The following TRIM36 variants were observed in gnomAD, a reference collection of about 807,000 sequenced individuals.
The protein encoded by TRIM36 is E3 ubiquitin-protein ligase TRIM36.
In TRIM36, 42 loss-of-function variants were observed where a neutral mutation model predicts 72.4. The ratio of observed to expected loss-of-function variants is 0.58; its 90% CI spans 0.45 to 0.75. The LOEUF (loss-of-function observed/expected upper bound fraction) is 0.75. Ranked by LOEUF, TRIM36 falls within the 30% of genes least tolerant of loss-of-function variation. TRIM36 has a pLI of 0.00. For missense variants in TRIM36, 913 were observed against 857.1 expected (o/e 1.07, Z -0.81); for synonymous variants, 315 against 282.8 (o/e 1.11, Z -1.14).
Position 115,165,485 on chromosome 5 carries a change from C to T in TRIM36, c.28-1733G>A, listed in dbSNP as rs894058961. On this transcript the variant is annotated intron_variant, in intron 1 of 9. Coordinates refer to ENST00000513154, the MANE Select transcript of TRIM36 (RefSeq NM_001300759.2). ...ACCATGTGTAAGCCACCAAGGCTTG[C>T]ACCCTCTGAGGCAATGGTCTGAACT... 3.9e-5 allele frequency among the ~76,000 whole-genome samples: 6 copies of T among 152,212 alleles called. No homozygotes were observed. The South Asian group carries it at 1.2e-3, about 31-fold the overall frequency.
chr5:115,150,425 A>T (rs1753826514), intron 2 of TRIM36, among the ~76,000 whole-genome samples: 1 of 152,238 alleles, frequency 6.6e-6, no homozygotes, highest in Non-Finnish European at 1.5e-5. Flanking sequence ...ATATTATATG[A>T]CACAGGGTTG....
intron 3 of TRIM36, 37 bp downstream of exon 3, chr5:115,147,032 T>A: frequency 3.3e-6 from 5 of 1,531,494 alleles, no homozygotes; most frequent in Non-Finnish European, 4.4e-6. Flanking sequence ...AACATTAAGT[T>A]AAAATAACAT....
chr5:115,173,523 TGTG>T (rs1442480564), upstream of TRIM36, among the ~76,000 whole-genome samples: 6 of 120,962 alleles, frequency 5.0e-5, no homozygotes, highest in Admixed American at 7.4e-5. Context: ...TGTATTTGAA[TGTG>T]TGTGTGTGTG....
chr5:115,178,886 C>T (rs1344793867), intron 1 of TRIM36, among the ~76,000 whole-genome samples: 1 of 152,162 alleles, frequency 6.6e-6, no homozygotes. Context: ...AGCCCTGGGG[C>T]CATAGGACTG....
upstream of TRIM36, among the ~76,000 whole-genome samples, chr5:115,173,521 AATGT>A (rs1174293764): frequency 7.0e-6 from 1 of 141,902 alleles, no homozygotes; most frequent in African/African-American, 3.0e-5. Flanking sequence ...TGTGTATTTG[AATGT>A]GTGTGTGTGT....
upstream of TRIM36, among the ~76,000 whole-genome samples, chr5:115,172,735 C>CAA (rs759612615): frequency 1.7e-5 from 2 of 119,932 alleles, no homozygotes; most frequent in African/African-American, 3.1e-5. Flanking sequence ...GACTCTGTCT[C>CAA]AAAAAAAAAA....
chr5:115,163,582 T>C lies in TRIM36; in HGVS notation c.198A>G (p.Gln66=), dbSNP rs1754603396. 1.9e-6 allele frequency: 3 copies of C among 1,614,174 alleles called. No individual in the cohort carries two copies. The highest frequency in any genetic ancestry group is 2.5e-6 in the Non-Finnish European group (3 of 1,180,040). The change falls in exon 2 of 10, where the codon CAA becomes CAG. Residue 66 remains glutamine, a synonymous_variant. Coordinates refer to ENST00000513154, the MANE Select transcript of TRIM36 (RefSeq NM_001300759.2). ...FNDVGSDNSN[Q]SSPRLRLPSP... The stretch of plus-strand genomic sequence containing the variant: ...AGGGGAGCCGAAGTCGAGGACTGCT[T>C]TGATTGGAGTTGTCTGATCCCACAT...
At chr5:115,153,907 T>G (rs574692784) in intron 2 of TRIM36, 124 of 152,242 alleles carry the variant, frequency 8.1e-4, no homozygotes, top group African/African-American at 2.5e-3. Context: ...TGGAACTTTC[T>G]CCAAGACAGA....
Position 115,147,398 on chromosome 5 carries a change from T to A in TRIM36, c.263-4A>T, listed in dbSNP as rs780614441. On this transcript the variant is annotated splice_region_variant and splice_polypyrimidine_tract_variant and intron_variant, in intron 2 of 9. Transcript: ENST00000513154. ...GTCAATGAATTGCGCTTCCAGCCTG[T>A]GTAATTAGTAAGTCTTTGTTTAGTT... 1.9e-6 allele frequency: 3 copies of A among 1,606,972 alleles called. No homozygotes were observed. Among genetic ancestry groups the A allele is most frequent in the East Asian group, 4.5e-5 (2 of 44,702 alleles).
chr5:115,134,099 T>C lies in TRIM36; in HGVS notation c.1259A>G (p.Asn420Ser), dbSNP rs2112785409. ...TGGATGGTGCCAATTTATCAAGGCATTGTTATAAACTTTGCTCTGTTCCTC... is the reference window on the plus strand; with the variant it reads ...TGGATGGTGCCAATTTATCAAGGCACTGTTATAAACTTTGCTCTGTTCCTC... Reference protein sequence around the residue: ...INEEQSKVYNNALINWHHPEK... With the variant: ...INEEQSKVYNSALINWHHPEK... The change falls in exon 8 of 10, where the codon AAT becomes AGT. Residue 420 changes from asparagine (N) to serine (S), a missense_variant. Coordinates refer to ENST00000513154, the MANE Select transcript of TRIM36 (RefSeq NM_001300759.2). 1 of 1,613,044 alleles carries C rather than the reference T, an allele frequency of 6.2e-7. No homozygotes were observed. Among genetic ancestry groups the C allele is most frequent in the East Asian group, 2.2e-5 (1 of 44,800 alleles).
intron 1 of TRIM36, among the ~76,000 whole-genome samples, chr5:115,165,454 C>T (rs948137276): frequency 6.6e-6 from 1 of 152,214 alleles, no homozygotes; most frequent in African/African-American, 2.4e-5. Flanking sequence ...CACTGGTAGG[C>T]CCAACACCAT....
chr5:115,148,382 T>A (rs1753704695), intron 2 of TRIM36: 1 of 979,084 alleles, frequency 1.0e-6, no homozygotes, highest in African/African-American at 1.8e-5. Context: ...GACAGGTGCA[T>A]GCATATCACA....
At position 115,126,236 on chromosome 5, in the gene TRIM36, G is replaced by A; in HGVS notation, c.*267C>T. The A allele has an allele frequency of 5.4e-6, 2 of 371,996 alleles. No homozygotes were observed. The highest frequency in any genetic ancestry group is 7.1e-5 in the South Asian group (1 of 13,988). 23.0% of individuals were successfully genotyped at this position (371,996 alleles called of 1,614,324 possible). A position where few individuals can be genotyped will look rare whatever the true frequency, so the allele number is the denominator to read the frequency against. On this transcript the variant is annotated 3_prime_UTR_variant, in exon 10 of 10. Transcript: ENST00000513154. ...CTGACAGAAATAAATTAGATATCCT[G>A]TACATAAAGTAAAAGACAGTCCAGT...
chr5:115,129,514 C>T (rs1047020462), intron 9 of TRIM36, among the ~76,000 whole-genome samples: 20 of 152,056 alleles, frequency 1.3e-4, no homozygotes, highest in Non-Finnish European at 1.3e-4. Flanking sequence ...GCCAAGATCG[C>T]GCCATTGCAC....
At chr5:115,149,480 T>A (rs1310833444) in intron 2 of TRIM36, 1 of 140,866 alleles carries the variant, frequency 7.1e-6, no homozygotes, top group African/African-American at 2.7e-5. Context: ...CCAATTAAAG[T>A]AACGGGATAA....
rs1461090890 is a variant in TRIM36 at position 115,137,455 on chromosome 5, T to C, written c.993A>G (p.Leu331=). The change falls in exon 6 of 10, where the codon CTA becomes CTG. Residue 331 remains leucine (L), a synonymous_variant. Transcript: ENST00000513154. Reference sequence around the variant, plus strand: ...CATATCCCACAAGTCCATTGTTCTCTAGAAGTCCCTGGTACTCTTCCATTT... The same window carrying C: ...CATATCCCACAAGTCCATTGTTCTCCAGAAGTCCCTGGTACTCTTCCATTT... ...QTQMEEYQGL[L]ENNGLVGYAQ... The C allele has an allele frequency of 1.2e-6, 2 of 1,614,094 alleles. No individual in the cohort carries two copies. Among genetic ancestry groups the C allele is most frequent in the East Asian group, 2.2e-5 (1 of 44,872 alleles).
intron 5 of TRIM36, among the ~76,000 whole-genome samples, chr5:115,140,289 T>G (rs1273516241): frequency 4.6e-5 from 7 of 152,194 alleles, no homozygotes; most frequent in African/African-American, 1.7e-4. Flanking sequence ...TGGCTCAACT[T>G]TGTTTCAAAT....
At chr5:115,178,634 C>A (rs1755459363) in intron 1 of TRIM36, among the ~76,000 whole-genome samples, 1 of 152,142 alleles carries the variant, frequency 6.6e-6, no homozygotes, top group South Asian at 2.1e-4. Flanking sequence ...TGCTGAAGGC[C>A]CCTTGAGGTG....
intron 9 of TRIM36, among the ~76,000 whole-genome samples, chr5:115,127,759 T>C (rs1752432222): frequency 6.6e-6 from 1 of 152,232 alleles, no homozygotes; most frequent in Admixed American, 6.5e-5. Context: ...CTCATGTATT[T>C]ATTATGCAAT....
Sources: allele counts gnomAD v4.1 joint callset (sites outside exome capture counted in the v4.1 genomes callset), GRCh38; gene constraint gnomAD v4.1.1; transcripts MANE v1.5; gene names NCBI Gene and HGNC (gene_info 2026-07-23, HGNC 2026-07-21).